Variants in PDK3 observed in about 807,000 individuals in gnomAD.
PDK3 encodes the protein pyruvate dehydrogenase kinase 3.
A neutral mutation model predicts 32.0 loss-of-function variants in PDK3; 12 were observed. That is an observed-to-expected ratio of 0.37 (90% CI 0.24 to 0.61). The LOEUF (loss-of-function observed/expected upper bound fraction) is 0.61, where lower values mean the gene tolerates loss of function less well. Among genes scored for constraint, PDK3 ranks in the 20% least tolerant of loss-of-function variants. The probability of loss-of-function intolerance (pLI) is 0.65; values close to 1 mark genes in which losing one functional copy is unlikely to be tolerated. For synonymous variants in PDK3, 122 were observed against 116.3 expected (o/e 1.05, Z -0.31); for missense variants, 188 against 316.9 (o/e 0.59, Z 3.09).
intron 1 of PDK3, among the ~76,000 whole-genome samples, chrX:24,493,899 G>T (rs1913545516): frequency 2.7e-5 from 3 of 112,027 alleles, no homozygotes; most frequent in Non-Finnish European, 5.6e-5. Context: ...TTCCAGCAGG[G>T]CTGGGGGTTG....
At chrX:24,474,842 C>T (rs763846723) in intron 1 of PDK3, among the ~76,000 whole-genome samples, 2 of 112,077 alleles carry the variant, frequency 1.8e-5, no homozygotes, top group Admixed American at 9.5e-5. Context: ...ATAATCACAC[C>T]GGCTCTGTGA....
chrX:24,502,050 A>G (rs1161940404), intron 3 of PDK3, among the ~76,000 whole-genome samples: 1 of 108,958 alleles, frequency 9.2e-6, no homozygotes, highest in African/African-American at 3.4e-5. Context: ...TTTTTTTTCT[A>G]CTTCATTTAT....
At position 24,498,874 on chromosome X, in the gene PDK3, C is replaced by T. The variant is rs867920607; in HGVS notation, c.294C>T (p.Ser98=). 1 of 1,144,006 alleles carries T rather than the reference C, an allele frequency of 8.7e-7. No individual in the cohort carries two copies. The highest frequency in any genetic ancestry group is 1.2e-6 in the Non-Finnish European group (1 of 848,399). The allele number at this position is 1,144,006 out of a possible 1,213,427, so 94.3% of individuals were successfully genotyped here. The change falls in exon 3 of 11, where the codon AGC becomes AGT. Residue 98 remains serine, a synonymous_variant. Transcript: ENST00000379162. ...FLELLEYENK[S]PEDPQVLDNF... ...AACTTTTAGAATATGAAAATAAGAG[C>T]CCTGAGGATCCACAGGTCTTGGATA...
chrX:24,531,922 T>C (rs886802218), intron 10 of PDK3, 152 bp downstream of exon 10: 4 of 370,281 alleles, frequency 1.1e-5, no homozygotes, highest in Middle Eastern at 4.7e-4. Context: ...TCACGCTTGA[T>C]TCTATGCTCA....
chrX:24,488,782 A>T (rs576272986), intron 1 of PDK3, among the ~76,000 whole-genome samples: 8 of 112,569 alleles, frequency 7.1e-5, no homozygotes, highest in South Asian at 3.7e-4. Flanking sequence ...ACATGAGTGT[A>T]TTTGAGTCTA....
chrX:24,518,473 ACT>A (rs1305754238), intron 5 of PDK3, among the ~76,000 whole-genome samples: 1 of 111,384 alleles, frequency 9.0e-6, no homozygotes, highest in African/African-American at 3.3e-5. Context: ...ACAGAGTGAG[ACT>A]CTGTCTCAAA....
At chrX:24,540,987 G>A (rs745469250) in exon 12 of PDK3, among the ~76,000 whole-genome samples, 56 of 85,390 alleles carry the variant, frequency 6.6e-4, no homozygotes, top group African/African-American at 2.3e-3. Context: ...TCGGCTCACT[G>A]CAACCTCCGC....
chrX:24,515,843 T>C (rs1197961732), intron 5 of PDK3, among the ~76,000 whole-genome samples: 1 of 112,058 alleles, frequency 8.9e-6, no homozygotes, highest in Non-Finnish European at 1.9e-5. Context: ...AAGTGTCTAT[T>C]TTCATACTGA....
intron 1 of PDK3, among the ~76,000 whole-genome samples, chrX:24,475,371 A>G (rs867721380): frequency 7.2e-5 from 8 of 111,261 alleles, no homozygotes; most frequent in Non-Finnish European, 1.3e-4. Context: ...TAAAGAAAGA[A>G]TTGGTCCAGG....
chrX:24,521,971 C>T (rs556422593), intron 6 of PDK3, among the ~76,000 whole-genome samples: 101 of 111,936 alleles, frequency 9.0e-4, no homozygotes, highest in African/African-American at 3.1e-3. Context: ...AATGTGCTTT[C>T]GCCTTAACAA....
chrX:24,491,459 G>A (rs776402577), intron 1 of PDK3, among the ~76,000 whole-genome samples: 16 of 110,440 alleles, frequency 1.4e-4, no homozygotes, highest in African/African-American at 4.6e-4. Context: ...CAGAGTGTGG[G>A]TCAATGGGTG....
At chrX:24,510,964 C>T (rs1359148969) in intron 5 of PDK3, among the ~76,000 whole-genome samples, 2 of 112,347 alleles carry the variant, frequency 1.8e-5, no homozygotes, top group Non-Finnish European at 3.8e-5. Context: ...TTTTGAGCAT[C>T]AAATGCTTAT....
chrX:24,513,274 G>T (rs1481801690), intron 5 of PDK3, among the ~76,000 whole-genome samples: 1 of 111,041 alleles, frequency 9.0e-6, no homozygotes, highest in Non-Finnish European at 1.9e-5. Flanking sequence ...ACTTGGGATG[G>T]GTTTGGGGTA....
chrX:24,506,407 C>T (rs111641286), intron 5 of PDK3, among the ~76,000 whole-genome samples: 16 of 112,062 alleles, frequency 1.4e-4, no homozygotes, highest in Non-Finnish European at 2.4e-4. Flanking sequence ...TAGCTCAGTG[C>T]CTTTTATGAA....
chrX:24,499,018 C>T, intron 3 of PDK3, 118 bp downstream of exon 3: 1 of 377,259 alleles, frequency 2.7e-6, no homozygotes, highest in South Asian at 8.2e-5. Context: ...CGTTCATTTT[C>T]TTAATGAGTA....
downstream of PDK3, among the ~76,000 whole-genome samples, chrX:24,534,756 C>T (rs1370363048): frequency 8.9e-6 from 1 of 111,908 alleles, no homozygotes; most frequent in African/African-American, 3.3e-5. Context: ...CAAGACCAGC[C>T]TAGGCAACAT....
Position 24,534,222 on chromosome X carries a change from G to A in PDK3, c.*150G>A. On this transcript the variant is annotated 3_prime_UTR_variant, in exon 11 of 11. Coordinates refer to ENST00000379162, the MANE Select transcript of PDK3 (RefSeq NM_005391.5). ...TCAATTTTATTTAAAAAGCAATTAA[G>A]TTTGCAGTTTGTCCTCATAAACGTT... The A allele has an allele frequency of 1.0e-6, 1 of 969,903 alleles. No homozygotes were observed. Among genetic ancestry groups the A allele is most frequent in the Non-Finnish European group, 1.3e-6 (1 of 771,236 alleles). 79.9% of individuals were successfully genotyped at this position (969,903 alleles called of 1,213,427 possible). A position where few individuals can be genotyped will look rare whatever the true frequency, so the allele number is the denominator to read the frequency against.
chrX:24,508,211 C>T (rs753845353), intron 5 of PDK3, among the ~76,000 whole-genome samples: 1 of 110,658 alleles, frequency 9.0e-6, no homozygotes, highest in Non-Finnish European at 1.9e-5. Flanking sequence ...AGGAGAGAGA[C>T]AGCGAAGGGG....
chrX:24,544,985 T>A (rs1332068060), exon 12 of PDK3, among the ~76,000 whole-genome samples: 1 of 112,551 alleles, frequency 8.9e-6, no homozygotes, highest in Non-Finnish European at 1.9e-5. Flanking sequence ...GAAAGATAAC[T>A]TTTAAGTCAA....
Sources: allele counts gnomAD v4.1 joint callset (sites outside exome capture counted in the v4.1 genomes callset), GRCh38; gene constraint gnomAD v4.1.1; transcripts MANE v1.5; gene names NCBI Gene and HGNC (gene_info 2026-07-23, HGNC 2026-07-21).